C1orf159: variants seen among roughly 807,000 people sequenced by gnomAD.
C1orf159 encodes chromosome 1 open reading frame 159.
In C1orf159, 19 loss-of-function variants were observed where a neutral mutation model predicts 25.6. The ratio of observed to expected loss-of-function variants is 0.74; its 90% CI spans 0.52 to 1.09. The LOEUF (loss-of-function observed/expected upper bound fraction) is 1.09, where lower values mean the gene tolerates loss of function less well. C1orf159 is among the 50% of genes least tolerant of loss of function. The pLI is 0.00. For synonymous variants in C1orf159, 139 were observed against 124.7 expected (o/e 1.12, Z -0.77); for missense variants, 274 against 290.6 (o/e 0.94, Z 0.42).
chr1:1,091,058 G>A (rs1645923408), intron 3 of C1orf159: 2 of 1,264,700 alleles, frequency 1.6e-6, no homozygotes, highest in Admixed American at 4.3e-5. Flanking sequence ...GCCAGGGAGG[G>A]GCCCAGGTCC....
chr1:1,084,026 G>A, intron 9 of C1orf159: 1 of 1,607,230 alleles, frequency 6.2e-7, no homozygotes. Context: ...ACTTCAAGGA[G>A]GAGCAGGTAT....
At chr1:1,090,924 TG>T in intron 3 of C1orf159, 3 of 1,550,368 alleles carry the variant, frequency 1.9e-6, no homozygotes, top group Non-Finnish European at 2.6e-6. Context: ...TGGACAGGCC[TG>T]GGGGGCTCAG....
At chr1:1,097,953 C>T (rs906193835) in intron 1 of C1orf159, among the ~76,000 whole-genome samples, 1 of 152,096 alleles carries the variant, frequency 6.6e-6, no homozygotes, top group Non-Finnish European at 1.5e-5. Flanking sequence ...TTTACACGCA[C>T]TTAGTTACAG....
chr1:1,101,926 A>G (rs1339628965), intron 1 of C1orf159, among the ~76,000 whole-genome samples: 2 of 151,540 alleles, frequency 1.3e-5, no homozygotes, highest in Non-Finnish European at 2.9e-5. Context: ...ACAAAAATTA[A>G]TCGGGCATGG....
chr1:1,105,118 C>T (rs1389606041), intron 1 of C1orf159, among the ~76,000 whole-genome samples: 1 of 152,276 alleles, frequency 6.6e-6, no homozygotes, highest in Non-Finnish European at 1.5e-5. Context: ...AGGCCAGGCC[C>T]TCTGGCTCCA....
chr1:1,091,296 C>G (rs892508860), intron 3 of C1orf159, 176 bp downstream of exon 3: 2 of 732,818 alleles, frequency 2.7e-6, no homozygotes, highest in Non-Finnish European at 4.7e-6. Context: ...CAGCGGAGGG[C>G]TCCCCTCTGC....
At chr1:1,107,248 C>T (rs1386488135) in intron 1 of C1orf159, among the ~76,000 whole-genome samples, 1 of 152,262 alleles carries the variant, frequency 6.6e-6, no homozygotes, top group East Asian at 1.9e-4. Flanking sequence ...ACTTGGAGAA[C>T]TTTTATGTCT....
At chr1:1,103,270 C>G (rs572431295) in intron 1 of C1orf159, among the ~76,000 whole-genome samples, 1 of 152,332 alleles carries the variant, frequency 6.6e-6, no homozygotes, top group African/African-American at 2.4e-5. Flanking sequence ...AGACACTAAA[C>G]CTGCTCCAAA....
chr1:1,084,540 C>T (rs1232669981), intron 7 of C1orf159, 34 bp from the exon 8 acceptor site: 6 of 1,549,058 alleles, frequency 3.9e-6, no homozygotes, highest in Non-Finnish European at 4.4e-6. Flanking sequence ...CACCCTGGAG[C>T]CCAGGAGCTG....
chr1:1,094,116 G>C (rs1645978596), intron 1 of C1orf159, among the ~76,000 whole-genome samples: 1 of 151,796 alleles, frequency 6.6e-6, no homozygotes, highest in Admixed American at 6.6e-5. Flanking sequence ...AGGGGTGGGG[G>C]GCATAGGGTT....
chr1:1,085,966 A>G lies in C1orf159; in HGVS notation c.357T>C (p.Ile119=), dbSNP rs10907177. The part of the protein sequence containing the change: ...AASLFLGTFF[I]SSGLILSVAG... Reference sequence around the variant, plus strand: ...CTACGGAGAGGATGAGGCCGGAGCTAATGAAGAACGTGCCCAGGAAGAGGG... The same window carrying G: ...CTACGGAGAGGATGAGGCCGGAGCTGATGAAGAACGTGCCCAGGAAGAGGG... Residue 119 remains isoleucine (I), a synonymous_variant, in exon 7 of 10, where the codon ATT becomes ATC. Transcript: ENST00000421241. The G allele has an allele frequency of 0.16, 258,244 of 1,613,076 alleles. 21,886 individuals carry two copies. Among genetic ancestry groups the G allele is most frequent in the African/African-American group, 0.25 (19,092 of 74,990 alleles).
Position 1,087,177 on chromosome 1 carries a change from A to G in C1orf159, c.272T>C (p.Met91Thr), listed in dbSNP as rs1311827489. The change falls in exon 6 of 10, where the codon ATG becomes ACG. Residue 91 changes from methionine (M) to threonine (T), a missense_variant. Coordinates refer to ENST00000421241, the MANE Select transcript of C1orf159 (RefSeq NM_017891.5). This position sits in a 1 kb window ranked among gnomAD's most constrained non-coding sequence, Gnocchi z 8.3. Reference sequence around the variant, plus strand: ...CCCGGGGGTCCCTGAGCTTCTGTTCATGGGGAATGGCGCACCCGGGCCAGC... The same window carrying G: ...CCCGGGGGTCCCTGAGCTTCTGTTCGTGGGGAATGGCGCACCCGGGCCAGC... ...SFAGPGAPFP[M>T]NRSSGTPGRP... is the part of the protein sequence containing the mutation. 6 of 1,610,436 alleles carry G rather than the reference A, an allele frequency of 3.7e-6. No individual in the cohort carries two copies. Among genetic ancestry groups the G allele is most frequent in the Non-Finnish European group, 5.1e-6 (6 of 1,179,358 alleles).
intron 1 of C1orf159, 36 bp from the exon 2 acceptor site, chr1:1,092,139 G>A (rs1645949070): frequency 1.6e-5 from 6 of 375,494 alleles, no homozygotes; most frequent in Non-Finnish European, 2.7e-5. Context: ...CCGTGGTCAC[G>A]CGAGGGCAAC....
At chr1:1,099,582 T>C (rs1281948665) in intron 1 of C1orf159, among the ~76,000 whole-genome samples, 2 of 152,154 alleles carry the variant, frequency 1.3e-5, no homozygotes, top group East Asian at 3.9e-4. Context: ...CCGACTATGA[T>C]TGTGGGTTGT....
rs561397356 is a variant in C1orf159 at position 1,087,844 on chromosome 1, T to TGCACTCTCCACGCC, written c.149-261_149-248dup. On this transcript the variant is annotated intron_variant, in intron 4 of 9. Coordinates refer to ENST00000421241, the MANE Select transcript of C1orf159 (RefSeq NM_017891.5). This position sits in a 1 kb window ranked among gnomAD's most constrained non-coding sequence, Gnocchi z 8.3. ...TACTCCGACCCCAAGTACTCCACGC[T>TGCACTCTCCACGCC]GCACTCTCCACGCCGAGCACCCCGG... Among the ~76,000 whole-genome samples the TGCACTCTCCACGCC allele has an allele frequency of 5.4e-3, 814 of 149,386 alleles. 5 individuals carry two copies. The highest frequency in any genetic ancestry group is 0.01 in the South Asian group (49 of 4,690).
At position 1,087,291 on chromosome 1, in the gene C1orf159, A is replaced by G; in HGVS notation, c.245-87T>C. 7.3e-7 allele frequency: 1 copy of G among 1,371,676 alleles called. No homozygotes were observed. Among genetic ancestry groups the G allele is most frequent in the African/African-American group, 1.4e-5 (1 of 69,196 alleles). 85.0% of individuals were successfully genotyped at this position (1,371,676 alleles called of 1,614,324 possible). A position where few individuals can be genotyped will look rare whatever the true frequency, so the allele number is the denominator to read the frequency against. On this transcript the variant is annotated intron_variant, in intron 5 of 9. Transcript: ENST00000421241. The surrounding 1 kb of genome is among the most constrained non-coding windows in gnomAD (Gnocchi z 8.3). ...CACCCTGAAGGGATCTCAGGACGGA[A>G]ATATGAAAGCGAGGGGCTGAGGGGG...
chr1:1,108,540 C>T (rs1298669420), intron 1 of C1orf159, among the ~76,000 whole-genome samples: 1 of 146,032 alleles, frequency 6.8e-6, no homozygotes, highest in Non-Finnish European at 1.5e-5. Flanking sequence ...CACCATGTCT[C>T]GGCACCATTC....
At position 1,087,825 on chromosome 1, in the gene C1orf159, G is replaced by C. The variant is rs754705931; in HGVS notation, c.149-228C>G. ...TGCGCACCCTGACCCTGAGTACTCC[G>C]ACCCCAAGTACTCCACGCTGCACTC... On this transcript the variant is annotated intron_variant, in intron 4 of 9. Transcript: ENST00000421241. This position sits in a 1 kb window ranked among gnomAD's most constrained non-coding sequence, Gnocchi z 8.3. 6.6e-6 allele frequency among the ~76,000 whole-genome samples: 1 copy of C among 150,570 alleles called. No individual in the cohort carries two copies. The highest frequency in any genetic ancestry group is 1.5e-5 in the Non-Finnish European group (1 of 67,538).
intron 1 of C1orf159, among the ~76,000 whole-genome samples, chr1:1,109,823 G>A (rs1273361766): frequency 6.6e-6 from 1 of 152,160 alleles, no homozygotes; most frequent in South Asian, 2.1e-4. Flanking sequence ...GGCCCTATAT[G>A]GCCAAAGGTG....
Sources: gnomAD v4.1 joint callset for allele counts (sites outside exome capture counted in the v4.1 genomes callset) on GRCh38, gnomAD v4.1.1 for gene constraint, Gnocchi (gnomAD v3.1) non-coding constraint, MANE v1.5 for transcripts, NCBI Gene and HGNC (gene_info 2026-07-23, HGNC 2026-07-21) for gene names.